The following ZNF646 variants were observed in gnomAD, a reference collection of about 807,000 sequenced individuals.
ZNF646 encodes the protein zinc finger protein 646.
In ZNF646, 49 loss-of-function variants were observed where a neutral mutation model predicts 115.4. The ratio of observed to expected loss-of-function variants is 0.42; its 90% confidence interval spans 0.34 to 0.54. The LOEUF (loss-of-function observed/expected upper bound fraction) is 0.54, where lower values mean the gene tolerates loss of function less well. Among genes scored for constraint, ZNF646 ranks in the 20% least tolerant of loss-of-function variants. The pLI is 0.04. For synonymous variants in ZNF646, 933 were observed against 939.0 expected (o/e 0.99, Z 0.12); for missense variants, 2,269 against 2,457.9 (o/e 0.92, Z 1.62).
Position 31,079,429 on chromosome 16 carries a change from C to T in ZNF646, c.3105C>T (p.Ser1035=). ...GAGCAGGCACCCCCTTGGGAGACAG[C>T]CTCTGCATCCAGGGTGGGGAAAGTT... ...QEGAGTPLGD[S]LCIQGGESLL... The change falls in exon 2 of 3, where the codon AGC becomes AGT. Residue 1035 remains serine (S), a synonymous_variant. Transcript: ENST00000300850. This position sits in a 1 kb window ranked among gnomAD's most constrained non-coding sequence, Gnocchi z 5.5. 2 of 1,613,956 alleles carry T rather than the reference C, an allele frequency of 1.2e-6. No individual in the cohort carries two copies. Among genetic ancestry groups the T allele is most frequent in the Non-Finnish European group, 1.7e-6 (2 of 1,180,008 alleles).
chr16:31,080,839 CAATG>C lies in ZNF646; in HGVS notation c.4516_4519del (p.Asn1506AspfsTer4). The C allele has an allele frequency of 3.1e-6, 5 of 1,614,088 alleles. No individual in the cohort carries two copies. The highest frequency in any genetic ancestry group is 4.2e-6 in the Non-Finnish European group (5 of 1,180,012). ...CTTGCCACGCTGGTGACTGCCAGCT[CAATG>C]GACCTACTCTGAGTCACATGGATAG... On this transcript the variant is annotated frameshift_variant, in exon 2 of 3. Coordinates refer to ENST00000300850, the MANE Select transcript of ZNF646 (RefSeq NM_014699.4). LOFTEE classifies it high-confidence loss of function.
At chr16:31,075,597 C>T (rs1443976069) in intron 1 of ZNF646, among the ~76,000 whole-genome samples, 1 of 152,150 alleles carries the variant, frequency 6.6e-6, no homozygotes, top group African/African-American at 2.4e-5. Context: ...CACACCTGGC[C>T]CAGTTAAGAG....
chr16:31,077,612 G>C lies in ZNF646; in HGVS notation c.1288G>C (p.Val430Leu). 6.2e-7 allele frequency: 1 copy of C among 1,613,792 alleles called. No homozygotes were observed. The change falls in exon 2 of 3, where the codon GTT becomes CTT. Residue 430 changes from valine (V) to leucine (L), a missense_variant. Transcript: ENST00000300850. ...GGCTCATCACAGGCCCAGGCAAGGA[G>C]TTGGGGAAAATGGGCAGCCATCAGT... is the stretch of plus-strand genomic sequence containing the variant. ...VRAHHRPRQG[V>L]GENGQPSVPP...
At chr16:31,073,209 G>A (rs1201685284), upstream of ZNF646, 1 of 152,442 alleles carries the variant, frequency 6.6e-6, no homozygotes, top group African/African-American at 2.4e-5. Flanking sequence ...CGAAGGATGA[G>A]GAGATGAACA....
At chr16:31,082,735 G>C in intron 2 of ZNF646, 2 of 546,210 alleles carry the variant, frequency 3.7e-6, no homozygotes. Flanking sequence ...GCAGGTGGGA[G>C]TCACCTGAAA....
chr16:31,083,247 G>A lies in ZNF646; in HGVS notation c.*155G>A, dbSNP rs1433553828. 1 of 1,216,178 alleles carries A rather than the reference G, an allele frequency of 8.2e-7. No individual in the cohort carries two copies. Among genetic ancestry groups the A allele is most frequent in the East Asian group, 2.8e-5 (1 of 35,764 alleles). The allele number at this position is 1,216,178 out of a possible 1,614,324, so 75.3% of individuals were successfully genotyped here. A position where few individuals can be genotyped will look rare whatever the true frequency, so the allele number is the denominator to read the frequency against. On this transcript the variant is annotated 3_prime_UTR_variant, in exon 3 of 3. Transcript: ENST00000300850. ...GATCTGGCTTCTTTCCCAAGGAGGG[G>A]GTGGGGTGTTCCTCGCGTCCCTGTC...
upstream of ZNF646, chr16:31,073,801 G>A (rs1441330776): frequency 6.6e-6 from 1 of 152,292 alleles, no homozygotes; most frequent in Non-Finnish European, 1.5e-5. Flanking sequence ...CGGAAGTGAG[G>A]GATCTTCCTC....
rs1459467372 is a variant in ZNF646, at chr16:31,079,878, G to A, written c.3554G>A (p.Arg1185Lys). The change falls in exon 2 of 3, where the codon AGG (arginine) becomes AAG (lysine). Residue 1185 changes from arginine (R) to lysine (K), a missense_variant. By Grantham distance (26) the Arg-to-Lys change is conservative (BLOSUM62 2). This residue lies in a region of ZNF646 where 1,062 missense variants were observed against 1,172.8 expected (regional missense o/e 0.91). Transcript: ENST00000300850. This position sits in a 1 kb window ranked among gnomAD's most constrained non-coding sequence, Gnocchi z 5.5. ...GTGAAGGGGGAGGAGATAGAGCCCA[G>A]GCTGGAGACTGCCGAGAAGGGCTGC... is the stretch of plus-strand genomic sequence containing the variant. Reference protein sequence around the residue: ...TTVKGEEIEPRLETAEKGCQT... With the variant: ...TTVKGEEIEPKLETAEKGCQT... 2 of 1,612,314 alleles carry A rather than the reference G, an allele frequency of 1.2e-6. No individual in the cohort carries two copies. The highest frequency in any genetic ancestry group is 2.7e-5 in the African/African-American group (2 of 74,858).
rs1211175459 is a variant in ZNF646, at chr16:31,077,193, A to G, written c.869A>G (p.Gln290Arg). The change falls in exon 2 of 3, where the codon CAG becomes CGG. Residue 290 changes from glutamine (Q) to arginine (R), a missense_variant. By Grantham distance (43) the Gln-to-Arg change is conservative. Transcript: ENST00000300850. ...ALKNHSRLHA[Q>R]YRPYHCPHCP... ...AAGAACCACTCTCGACTGCATGCCC[A>G]GTATCGGCCTTACCACTGTCCCCAC... The G allele has an allele frequency of 6.8e-6, 11 of 1,614,152 alleles. No homozygotes were observed. Among genetic ancestry groups the G allele is most frequent in the East Asian group, 4.5e-5 (2 of 44,882 alleles).
In ZNF646 at chr16:31,083,396, A is replaced by AC; in HGVS notation, c.*304_*305insC. On this transcript the variant is annotated 3_prime_UTR_variant, in exon 3 of 3. Coordinates refer to ENST00000300850, the MANE Select transcript of ZNF646 (RefSeq NM_014699.4). ...CCACCGGTGGGAAAGTTGCCTGTGG[A>AC]AGGGAGCCTTTTGCTACAATTTGTA... The AC allele has an allele frequency of 8.2e-7, 1 of 1,213,190 alleles. No individual in the cohort carries two copies. The highest frequency in any genetic ancestry group is 1.1e-6 in the Non-Finnish European group (1 of 928,466). 75.2% of individuals were successfully genotyped at this position (1,213,190 alleles called of 1,614,324 possible). A position where few individuals can be genotyped will look rare whatever the true frequency, so the allele number is the denominator to read the frequency against.
At position 31,079,558 on chromosome 16, in the gene ZNF646, CTT is replaced by C. The variant is rs2057126511; in HGVS notation, c.3236_3237del (p.Phe1079SerfsTer17). The stretch of plus-strand genomic sequence containing the variant: ...ACCGCAAGATCCACCAGACTGGAGA[CTT>C]TCTCTGCCCTGTCTGCTCCCGCTGC... ...NHRKIHQTGD[F>X]LCPVCSRCYP... On this transcript the variant is annotated frameshift_variant, in exon 2 of 3. Transcript: ENST00000300850. LOFTEE classifies it high-confidence loss of function. The surrounding 1 kb of genome is among the most constrained non-coding windows in gnomAD (Gnocchi z 5.5). 6.2e-7 allele frequency: 1 copy of C among 1,613,506 alleles called. No homozygotes were observed. The highest frequency in any genetic ancestry group is 8.5e-7 in the Non-Finnish European group (1 of 1,180,028).
At chr16:31,075,306 T>C (rs750324616) in intron 1 of ZNF646, among the ~76,000 whole-genome samples, 2 of 152,168 alleles carry the variant, frequency 1.3e-5, no homozygotes, top group Non-Finnish European at 2.9e-5. Flanking sequence ...TTGGGGTTTT[T>C]TGTTTTTTTG....
Position 31,079,473 on chromosome 16 carries a change from G to A in ZNF646, c.3149G>A (p.Arg1050His). 1.2e-6 allele frequency: 2 copies of A among 1,613,356 alleles called. No individual in the cohort carries two copies. The highest frequency in any genetic ancestry group is 1.7e-6 in the Non-Finnish European group (2 of 1,179,800). ...GAAAGTTTGTTGGAGGCTCAGCCCC[G>A]CCCCTTCCGCTGCAACCAGTGTGGC... The part of the protein sequence containing the change: ...GGESLLEAQP[R>H]PFRCNQCGKT... The change falls in exon 2 of 3, where the codon CGC becomes CAC. Residue 1050 changes from arginine (R) to histidine (H), a missense_variant. Physicochemically the swap from Arg to His is conservative, Grantham distance 29 (BLOSUM62 0). This residue lies in a region of ZNF646 where 1,062 missense variants were observed against 1,172.8 expected (regional missense o/e 0.91). Transcript: ENST00000300850. This position sits in a 1 kb window ranked among gnomAD's most constrained non-coding sequence, Gnocchi z 5.5.
rs749541035 is a variant in ZNF646 at position 31,083,305 on chromosome 16, C to T, written c.*213C>T. On this transcript the variant is annotated 3_prime_UTR_variant, in exon 3 of 3. Coordinates refer to ENST00000300850, the MANE Select transcript of ZNF646 (RefSeq NM_014699.4). ...GACCTCCTTCCCCCAGCCTCATCACCGTGCTCTTCTCAGCGCCACCCTCAG... is the reference window on the plus strand; with the variant it reads ...GACCTCCTTCCCCCAGCCTCATCACTGTGCTCTTCTCAGCGCCACCCTCAG... The T allele has an allele frequency of 3.6e-5, 34 of 956,138 alleles. No individual in the cohort carries two copies. The highest frequency in any genetic ancestry group is 4.5e-5 in the Non-Finnish European group (30 of 673,190). 59.2% of individuals were successfully genotyped at this position (956,138 alleles called of 1,614,324 possible).
intron 2 of ZNF646, 81 bp downstream of exon 2, chr16:31,081,782 A>AG (rs765863848): frequency 6.8e-7 from 1 of 1,461,016 alleles, no homozygotes; most frequent in South Asian, 1.4e-5. Flanking sequence ...TGGGGGAGCA[A>AG]GGAGTGAGAG....
chr16:31,074,994 C>G (rs1031244848), intron 1 of ZNF646, among the ~76,000 whole-genome samples: 1 of 152,168 alleles, frequency 6.6e-6, no homozygotes, highest in Non-Finnish European at 1.5e-5. Flanking sequence ...TTTGCTGTTA[C>G]GTGAACTAGA....
upstream of ZNF646, chr16:31,073,822 G>A (rs2057039642): frequency 6.6e-6 from 1 of 152,270 alleles, no homozygotes; most frequent in African/African-American, 2.4e-5. Context: ...AGCTAGGAAG[G>A]AAGGGAAAGT....
At chr16:31,075,230 A>T (rs1242464171) in intron 1 of ZNF646, among the ~76,000 whole-genome samples, 1 of 152,202 alleles carries the variant, frequency 6.6e-6, no homozygotes, top group African/African-American at 2.4e-5. Flanking sequence ...TATTGATGTT[A>T]TTCCCAAGAT....
In ZNF646 at chr16:31,077,822, A is replaced by G. The variant is rs2057097523; in HGVS notation, c.1498A>G (p.Lys500Glu). The change falls in exon 2 of 3, where the codon AAG becomes GAG. Residue 500 changes from lysine to glutamate, a missense_variant. Transcript: ENST00000300850. ...GEYQCSLCPRKYPNLMALRNH... is the reference protein window; with the variant it reads ...GEYQCSLCPREYPNLMALRNH... ...GTACCAGTGCTCACTCTGTCCCCGC[A>G]AGTACCCCAATCTCATGGCCCTGCG... The G allele has an allele frequency of 4.3e-6, 7 of 1,613,842 alleles. No individual in the cohort carries two copies. The highest frequency in any genetic ancestry group is 5.9e-6 in the Non-Finnish European group (7 of 1,180,022).
Sources: allele counts gnomAD v4.1 joint callset (sites outside exome capture counted in the v4.1 genomes callset), GRCh38; gene constraint gnomAD v4.1.1; regional missense constraint gnomAD v4.1.1; non-coding constraint Gnocchi (gnomAD v3.1); transcripts MANE v1.5; gene names NCBI Gene and HGNC (gene_info 2026-07-23, HGNC 2026-07-21).